The following CHL1 variants were observed in gnomAD, a reference collection of about 807,000 sequenced individuals.
CHL1 encodes cell adhesion molecule L1 like.
Under a neutral mutation model 141.9 loss-of-function variants are expected in CHL1, and 96 were observed. That is an observed-to-expected ratio of 0.68 (90% CI 0.57 to 0.80). The LOEUF is 0.80. Ranked by LOEUF, CHL1 falls within the 30% of genes least tolerant of loss-of-function variation. The pLI is 0.00. For missense variants in CHL1, 1,820 were observed against 1,457.2 expected, an observed-to-expected ratio of 1.25 and a Z score of -4.05; for synonymous variants, 613 against 502.2, an observed-to-expected ratio of 1.22 and a Z score of -2.95.
chr3:233,324 T>G (rs1009350055), intron 1 of CHL1, among the ~76,000 whole-genome samples: 1 of 152,130 alleles, frequency 6.6e-6, no homozygotes, highest in Non-Finnish European at 1.5e-5. Flanking sequence ...TGCCCTGCTC[T>G]TTTAGGTTTC....
chr3:398,896 G>A, intron 25 of CHL1, 121 bp from the exon 26 acceptor site: 4 of 812,626 alleles, frequency 4.9e-6, no homozygotes, highest in Non-Finnish European at 8.0e-6. Flanking sequence ...TCCTTCTGGG[G>A]TCATTAAAAA....
chr3:277,607 A>G (rs185023564), intron 2 of CHL1, among the ~76,000 whole-genome samples: 1 of 152,148 alleles, frequency 6.6e-6, no homozygotes, highest in Admixed American at 6.5e-5. Flanking sequence ...CTCTTACCTT[A>G]TACTGGAAAA....
At position 296,547 on chromosome 3, in the gene CHL1, C is replaced by G. The variant is rs17021421; in HGVS notation, c.-94-23136C>G. 4.5e-3 allele frequency among the ~76,000 whole-genome samples: 688 copies of G among 152,134 alleles called. 10 individuals carry two copies. The highest frequency in any genetic ancestry group is 0.016 in the African/African-American group (656 of 41,484). ...ACTCATGCTTTCATAGTTTCATGAC[C>G]ACAGAGGAAAAGAGGCTTTGGAAAT... On this transcript the variant is annotated intron_variant, in intron 2 of 27. Transcript: ENST00000256509.
chr3:265,023 C>G (rs1278128815), intron 2 of CHL1, among the ~76,000 whole-genome samples: 1 of 152,216 alleles, frequency 6.6e-6, no homozygotes, highest in Non-Finnish European at 1.5e-5. Flanking sequence ...TCAAACCTGT[C>G]TAATGTGCAC....
At chr3:215,828 A>G (rs1700273194) in intron 1 of CHL1, among the ~76,000 whole-genome samples, 1 of 152,160 alleles carries the variant, frequency 6.6e-6, no homozygotes, top group Admixed American at 6.6e-5. Flanking sequence ...CTTTTGGGAA[A>G]GATACATTGT....
intron 5 of CHL1, among the ~76,000 whole-genome samples, chr3:332,345 A>C (rs553253923): frequency 6.6e-6 from 1 of 152,334 alleles, no homozygotes; most frequent in East Asian, 1.9e-4. Flanking sequence ...AATTATAATG[A>C]AAAATAAGAG....
At chr3:344,496 T>G in intron 8 of CHL1, 93 bp from the exon 9 acceptor site, 1 of 787,854 alleles carries the variant, frequency 1.3e-6, no homozygotes, top group Non-Finnish European at 2.0e-6. Context: ...CACACTCGTG[T>G]GTCGGATTTT....
intron 2 of CHL1, among the ~76,000 whole-genome samples, chr3:259,660 T>A (rs1246898877): frequency 2.0e-5 from 3 of 152,136 alleles, no homozygotes; most frequent in Non-Finnish European, 4.4e-5. Flanking sequence ...CTTCCAAGCA[T>A]TTTATATCTT....
intron 2 of CHL1, among the ~76,000 whole-genome samples, chr3:279,219 G>T (rs1696419329): frequency 6.6e-6 from 1 of 152,108 alleles, no homozygotes; most frequent in Non-Finnish European, 1.5e-5. Flanking sequence ...AATAGTAAAA[G>T]TTTTTTGATC....
chr3:293,313 C>A (rs1373511555), intron 2 of CHL1, among the ~76,000 whole-genome samples: 1 of 151,896 alleles, frequency 6.6e-6, no homozygotes, highest in East Asian at 1.9e-4. Flanking sequence ...ACCAGCCTTG[C>A]CAACATGGGG....
chr3:285,958 G>A (rs1429598347), intron 2 of CHL1, among the ~76,000 whole-genome samples: 1 of 152,032 alleles, frequency 6.6e-6, no homozygotes, highest in Non-Finnish European at 1.5e-5. Flanking sequence ...TTTCTCTCTG[G>A]CAGTTTTTTT....
chr3:377,818 G>T lies in CHL1; in HGVS notation c.1752G>T (p.Arg584Ser). ...CATGTACTCACTTTTTTTCTGATAG[G>T]ATAATTATTGATGGAGCTAATTTGA... The part of the protein sequence containing the change: ...AFEINGTEDG[R>S]IIIDGANLTI... The change falls in exon 16 of 28, where the codon AGG becomes AGT. Residue 584 changes from arginine to serine, a missense_variant and splice_region_variant. Arg to Ser is a moderately radical substitution (Grantham distance 110). Transcript: ENST00000256509. 6.3e-7 allele frequency: 1 copy of T among 1,598,456 alleles called. No homozygotes were observed. The highest frequency in any genetic ancestry group is 8.5e-7 in the Non-Finnish European group (1 of 1,171,628).
At chr3:222,436 T>C (rs1158282000) in intron 1 of CHL1, among the ~76,000 whole-genome samples, 1 of 152,222 alleles carries the variant, frequency 6.6e-6, no homozygotes, top group Non-Finnish European at 1.5e-5. Context: ...CATATGCATG[T>C]GGAGAATCAC....
At chr3:284,780 T>A (rs1205247714) in intron 2 of CHL1, among the ~76,000 whole-genome samples, 2 of 152,072 alleles carry the variant, frequency 1.3e-5, no homozygotes, top group Non-Finnish European at 2.9e-5. Flanking sequence ...TTTTTTTTTT[T>A]TTCTCCAACC....
chr3:349,903 G>C (rs13078884), intron 10 of CHL1, among the ~76,000 whole-genome samples: 1 of 152,022 alleles, frequency 6.6e-6, no homozygotes, highest in African/African-American at 2.4e-5. Flanking sequence ...ATGATGAAAG[G>C]AAGTATTAAA....
At chr3:337,941 T>TC (rs546566170) in intron 5 of CHL1, among the ~76,000 whole-genome samples, 154 of 152,162 alleles carry the variant, frequency 1.0e-3, no homozygotes, top group African/African-American at 3.2e-3. Flanking sequence ...CCCTGAGGAA[T>TC]AACACTGTCT....
intron 7 of CHL1, among the ~76,000 whole-genome samples, 168 bp downstream of exon 7, chr3:342,250 C>T (rs746064881): frequency 8.5e-5 from 13 of 152,188 alleles, no homozygotes; most frequent in Admixed American, 1.3e-4. Flanking sequence ...TGCAGATTCA[C>T]GGTAGCTCTG....
intron 3 of CHL1, among the ~76,000 whole-genome samples, chr3:322,739 G>A (rs1302052829): frequency 6.7e-6 from 1 of 148,330 alleles, no homozygotes; most frequent in Non-Finnish European, 1.5e-5. Flanking sequence ...AGCTACTTGG[G>A]AGGCTGAGGC....
intron 10 of CHL1, 143 bp from the exon 11 acceptor site, chr3:354,497 G>T (rs1222844500): frequency 2.3e-6 from 2 of 871,832 alleles, no homozygotes; most frequent in Non-Finnish European, 3.5e-6. Flanking sequence ...TTGCTTTGCA[G>T]AGCAAGTTTA....
Sources: allele counts gnomAD v4.1 joint callset (sites outside exome capture counted in the v4.1 genomes callset), GRCh38; gene constraint gnomAD v4.1.1; transcripts MANE v1.5; gene names NCBI Gene and HGNC (gene_info 2026-07-23, HGNC 2026-07-21).